AFF1: variants seen among roughly 807,000 people sequenced by gnomAD.
The protein encoded by AFF1 is ALF transcription elongation factor 1, also known as AF4/FMR2 family member 1.
In AFF1, 48 loss-of-function variants were observed where a neutral mutation model predicts 121.7. The observed-to-expected ratio is 0.39, with a 90% CI of 0.31 to 0.50. The LOEUF (loss-of-function observed/expected upper bound fraction) is 0.50. Ranked by LOEUF, AFF1 falls within the 20% of genes least tolerant of loss-of-function variation. The probability of loss-of-function intolerance (pLI) is 0.76; values close to 1 mark genes in which losing one functional copy is unlikely to be tolerated. For synonymous variants in AFF1, 613 were observed against 563.0 expected (o/e 1.09, Z -1.26); for missense variants, 1,523 against 1,511.7 (o/e 1.01, Z -0.12).
intron 1 of AFF1, among the ~76,000 whole-genome samples, chr4:86,943,601 C>A (rs984474685): frequency 2.6e-5 from 4 of 152,172 alleles, no homozygotes; most frequent in African/African-American, 9.7e-5. Flanking sequence ...CAGTCGCTCA[C>A]ACCTGTGATA....
At position 87,013,032 on chromosome 4, in the gene AFF1, C is replaced by CTTTTTTTTTTTTTTT. The variant is rs61071328; in HGVS notation, c.39-33122_39-33108dup. ...AACCAGATTGAACTGCTATCAAGTTCTTTTTTTTTTTTTTTTTTTTTTTTT... is the reference window on the plus strand; with the variant it reads ...AACCAGATTGAACTGCTATCAAGTTCTTTTTTTTTTTTTTTTTTTTTTTTTTTTTTTTTTTTTTTT... On this transcript the variant is annotated intron_variant, in intron 2 of 20. Coordinates refer to ENST00000395146, the MANE Select transcript of AFF1 (RefSeq NM_001166693.3). Among the ~76,000 whole-genome samples the CTTTTTTTTTTTTTTT allele has an allele frequency of 6.1e-4, 57 of 93,490 alleles. 4 individuals are homozygous for CTTTTTTTTTTTTTTT. Among genetic ancestry groups the CTTTTTTTTTTTTTTT allele is most frequent in the Middle Eastern group, 7.6e-3 (1 of 132 alleles). 61.3% of individuals were successfully genotyped at this position (93,490 alleles called of 152,430 possible).
chr4:87,080,002 A>G (rs1723018006), intron 4 of AFF1, among the ~76,000 whole-genome samples: 1 of 152,244 alleles, frequency 6.6e-6, no homozygotes, highest in Non-Finnish European at 1.5e-5. Context: ...AGTTTAATGC[A>G]ACGTGAAGTA....
intron 19 of AFF1, 47 bp from the exon 20 acceptor site, chr4:87,134,424 C>T (rs2149805853): frequency 2.0e-6 from 3 of 1,483,658 alleles, no homozygotes; most frequent in South Asian, 2.6e-5. Context: ...ATCCAGGGGT[C>T]TACTGGTGAC....
At chr4:87,076,256 C>T (rs1560602064) in intron 4 of AFF1, among the ~76,000 whole-genome samples, 2 of 151,860 alleles carry the variant, frequency 1.3e-5, no homozygotes, top group African/African-American at 2.4e-5. Context: ...TTAAAATAAT[C>T]TTTTTTATCC....
chr4:86,994,998 C>G (rs530684216), intron 2 of AFF1, among the ~76,000 whole-genome samples: 1 of 151,982 alleles, frequency 6.6e-6, no homozygotes, highest in Non-Finnish European at 1.5e-5. Flanking sequence ...CTCAGCACTT[C>G]GGGAGGCCAA....
chr4:86,938,692 A>G (rs536224817), intron 1 of AFF1, among the ~76,000 whole-genome samples: 8 of 152,372 alleles, frequency 5.3e-5, no homozygotes, highest in Middle Eastern at 6.8e-3. Flanking sequence ...TTAAAATTCT[A>G]CCACAGCATG....
At chr4:86,945,043 A>G (rs1258473306) in intron 1 of AFF1, among the ~76,000 whole-genome samples, 1 of 152,248 alleles carries the variant, frequency 6.6e-6, no homozygotes, top group Non-Finnish European at 1.5e-5. Flanking sequence ...TCCAAAATGA[A>G]ATAAAGTTTG....
At chr4:86,944,004 C>T (rs1424372655) in intron 1 of AFF1, among the ~76,000 whole-genome samples, 2 of 151,466 alleles carry the variant, frequency 1.3e-5, no homozygotes, top group Non-Finnish European at 2.9e-5. Flanking sequence ...ATAAGCCAGG[C>T]ATGGTGGCAC....
Position 87,127,629 on chromosome 4 carries a change from T to G in AFF1, c.2904-14T>G, listed in dbSNP as rs780377430. 1.2e-6 allele frequency: 2 copies of G among 1,614,174 alleles called. No homozygotes were observed. The highest frequency in any genetic ancestry group is 1.7e-6 in the Non-Finnish European group (2 of 1,180,014). On this transcript the variant is annotated splice_polypyrimidine_tract_variant and intron_variant, in intron 15 of 20. Transcript: ENST00000395146. The stretch of plus-strand genomic sequence containing the variant: ...GGCTCATATGACCTGTCCCTGGTTT[T>G]TCCTCTTTTTCAGACAACAAGCAGA...
intron 2 of AFF1, among the ~76,000 whole-genome samples, chr4:86,991,640 A>G (rs562889114): frequency 6.6e-6 from 1 of 152,212 alleles, no homozygotes; most frequent in East Asian, 1.9e-4. Flanking sequence ...ACTCAGTAAC[A>G]TTAACTCTCA....
At chr4:86,944,495 A>C (rs1720705185) in intron 1 of AFF1, among the ~76,000 whole-genome samples, 1 of 150,872 alleles carries the variant, frequency 6.6e-6, no homozygotes, top group African/African-American at 2.5e-5. Context: ...GGCACGCGCC[A>C]TCACGCTTGG....
chr4:87,099,200 T>C (rs1716817221), intron 8 of AFF1, among the ~76,000 whole-genome samples: 1 of 152,196 alleles, frequency 6.6e-6, no homozygotes, highest in South Asian at 2.1e-4. Flanking sequence ...TGCTGATAAA[T>C]ATTATGGAAG....
At chr4:87,067,655 A>G (rs1329544108) in intron 4 of AFF1, among the ~76,000 whole-genome samples, 2 of 152,192 alleles carry the variant, frequency 1.3e-5, no homozygotes, top group Non-Finnish European at 2.9e-5. Flanking sequence ...CTGCTGCTGT[A>G]AGCTTTCAGA....
intron 2 of AFF1, among the ~76,000 whole-genome samples, chr4:87,043,852 G>C (rs186150998): frequency 6.6e-6 from 1 of 150,888 alleles, no homozygotes; most frequent in Non-Finnish European, 1.5e-5. Flanking sequence ...GGAGTCTCGC[G>C]CTGTTGCCCC....
In AFF1 at chr4:87,114,963, T is replaced by C. The variant is rs1726941475; in HGVS notation, c.2130T>C (p.Leu710=). The change falls in exon 12 of 21, where the codon CTT becomes CTC. Residue 710 remains leucine (L), a synonymous_variant. Coordinates refer to ENST00000395146, the MANE Select transcript of AFF1 (RefSeq NM_001166693.3). ...VEDRTPEHFA[L]VPLTESQGPP... is the part of the protein sequence containing the mutation. The stretch of plus-strand genomic sequence containing the variant: ...ACAGGACCCCTGAGCACTTTGCTCT[T>C]GTTCCCCTGACTGAGAGCCAGGGCC... 1 of 1,613,180 alleles carries C rather than the reference T, an allele frequency of 6.2e-7. No homozygotes were observed. The highest frequency in any genetic ancestry group is 8.5e-7 in the Non-Finnish European group (1 of 1,179,604).
intron 2 of AFF1, among the ~76,000 whole-genome samples, chr4:86,962,020 T>C (rs917279393): frequency 3.9e-5 from 6 of 152,188 alleles, no homozygotes; most frequent in Admixed American, 1.3e-4. Flanking sequence ...CTATATTTTA[T>C]TTGTCTAAAA....
chr4:87,060,354 CAT>C (rs1491508883), intron 4 of AFF1, among the ~76,000 whole-genome samples: 1 of 152,122 alleles, frequency 6.6e-6, no homozygotes, highest in Non-Finnish European at 1.5e-5. Context: ...TTTCCTTTAG[CAT>C]GTGTGTGTGT....
intron 4 of AFF1, among the ~76,000 whole-genome samples, chr4:87,079,473 T>C (rs918501790): frequency 7.2e-5 from 11 of 152,224 alleles, no homozygotes; most frequent in African/African-American, 2.7e-4. Flanking sequence ...TAAATGTGAA[T>C]ACCAAAATGC....
chr4:87,007,277 G>A, intron 2 of AFF1: 4 of 1,551,234 alleles, frequency 2.6e-6, no homozygotes, highest in Non-Finnish European at 3.5e-6. Context: ...AGGTAGTCCC[G>A]TAACATCGGG....
Sources: allele counts gnomAD v4.1 joint callset (sites outside exome capture counted in the v4.1 genomes callset), GRCh38; gene constraint gnomAD v4.1.1; transcripts MANE v1.5; gene names NCBI Gene and HGNC (gene_info 2026-07-23, HGNC 2026-07-21).